The following TAOK3 variants were observed in gnomAD, a reference collection of about 807,000 sequenced individuals.
TAOK3 encodes the protein TAO kinase 3.
A neutral mutation model predicts 120.4 loss-of-function variants in TAOK3; 40 were observed. The observed-to-expected ratio is 0.33, with a 90% confidence interval of 0.26 to 0.43. The LOEUF is 0.43. TAOK3 is among the 20% of genes least tolerant of loss of function. TAOK3 has a pLI of 1.00. For missense variants in TAOK3, 821 were observed against 1,112.1 expected (o/e 0.74, Z 3.72); for synonymous variants, 355 against 387.5 (o/e 0.92, Z 0.99).
At chr12:118,273,651 TG>T (rs1407079546) in intron 1 of TAOK3, among the ~76,000 whole-genome samples, 3 of 151,814 alleles carry the variant, frequency 2.0e-5, no homozygotes, top group Non-Finnish European at 2.9e-5. Flanking sequence ...CCGTCTCTAC[TG>T]AAAATAGAAA....
chr12:118,317,532 C>T (rs371743665), intron 1 of TAOK3, among the ~76,000 whole-genome samples: 52 of 151,924 alleles, frequency 3.4e-4, no homozygotes, highest in African/African-American at 1.1e-3. Flanking sequence ...CTCCTGACCT[C>T]GTGATCCACC....
chr12:118,170,667 G>A (rs2035945032), intron 17 of TAOK3, among the ~76,000 whole-genome samples: 1 of 152,200 alleles, frequency 6.6e-6, no homozygotes. Flanking sequence ...GGGGGCTGAA[G>A]TGGGAGGATC....
rs566271226 is a variant in TAOK3 at position 118,193,578 on chromosome 12, G to A, written c.1195-3637C>T. On this transcript the variant is annotated intron_variant, in intron 13 of 20. Transcript: ENST00000392533. ...CATTACACTTCTGAAATGAAGGTTC[G>A]TGGTTAGGCACTTGCCTAGAGTTTC... Among the ~76,000 whole-genome samples, 34 of 152,080 alleles carry A rather than the reference G, an allele frequency of 2.2e-4. No homozygotes were observed. The South Asian group carries it at 5.6e-3, about 25-fold the overall frequency.
chr12:118,243,326 T>C (rs983985251), intron 5 of TAOK3, 89 bp downstream of exon 5: 12 of 705,978 alleles, frequency 1.7e-5, no homozygotes, highest in Middle Eastern at 3.8e-4. Context: ...GAAATGAAAT[T>C]AGTAATTTTA....
chr12:118,160,355 T>A lies in TAOK3; in HGVS notation c.2143A>T (p.Met715Leu). Residue 715 changes from methionine to leucine, a missense_variant, in exon 19 of 21, where the codon ATG becomes TTG. Met to Leu is a conservative substitution (Grantham distance 15). Transcript: ENST00000392533. This position sits in a 1 kb window ranked among gnomAD's most constrained non-coding sequence, Gnocchi z 4.2. Reference protein sequence around the residue: ...LRQQPKNLKAMEMQIKKQFQD... With the variant: ...LRQQPKNLKALEMQIKKQFQD... ...AACTGTTTTTTAATTTGCATTTCCA[T>A]GGCCTGGGTAGAAAAAGTGACAAAG... 1 of 1,613,142 alleles carries A rather than the reference T, an allele frequency of 6.2e-7. No homozygotes were observed. Among genetic ancestry groups the A allele is most frequent in the Admixed American group, 1.7e-5 (1 of 59,946 alleles).
chr12:118,158,175 TC>T (rs915532495), intron 19 of TAOK3, among the ~76,000 whole-genome samples: 1 of 152,180 alleles, frequency 6.6e-6, no homozygotes, highest in African/African-American at 2.4e-5. Flanking sequence ...CGGGTTCCCT[TC>T]CTGTGTCTCT....
chr12:118,198,386 CTTCTTTTTTTTTT>C (rs368161357), intron 13 of TAOK3: 17,683 of 121,492 alleles, frequency 0.15, 1,295 homozygotes, highest in Middle Eastern at 0.18. Context: ...CTTTCTTCTT[CTTCTTTTTTTTTT>C]TTTTTTTTTT....
At chr12:118,205,869 C>T (rs1239417012) in intron 11 of TAOK3, among the ~76,000 whole-genome samples, 1 of 152,128 alleles carries the variant, frequency 6.6e-6, no homozygotes, top group East Asian at 1.9e-4. Context: ...CCTCAGCCTC[C>T]CAAAGTGCTG....
At chr12:118,299,762 G>T (rs2042810414) in intron 1 of TAOK3, among the ~76,000 whole-genome samples, 1 of 152,048 alleles carries the variant, frequency 6.6e-6, no homozygotes, top group Non-Finnish European at 1.5e-5. Flanking sequence ...CACCTGCCTT[G>T]GTCTCCCATA....
chr12:118,181,277 C>T (rs968708632), intron 15 of TAOK3, 94 bp downstream of exon 15: 2 of 1,083,502 alleles, frequency 1.8e-6, no homozygotes. Context: ...CAATTTTCCT[C>T]CATCCCCCAC....
At chr12:118,322,683 A>AT (rs142312385) in intron 1 of TAOK3, among the ~76,000 whole-genome samples, 2 of 106,524 alleles carry the variant, frequency 1.9e-5, no homozygotes, top group African/African-American at 6.9e-5. Context: ...CATTCTTGTG[A>AT]TTTTTTTCCC....
At position 118,150,915 on chromosome 12, in the gene TAOK3, G is replaced by A; in HGVS notation, c.*82C>T. 7.4e-7 allele frequency: 1 copy of A among 1,349,686 alleles called. No homozygotes were observed. The highest frequency in any genetic ancestry group is 1.0e-6 in the Non-Finnish European group (1 of 994,328). The allele number at this position is 1,349,686 out of a possible 1,614,324, so 83.6% of individuals were successfully genotyped here. On this transcript the variant is annotated 3_prime_UTR_variant, in exon 21 of 21. Coordinates refer to ENST00000392533, the MANE Select transcript of TAOK3 (RefSeq NM_016281.4). ...GAGTGAGAGCAACGCCCGTTAAAAT[G>A]GGGAATGTGGTTTTGCAGGGTCTGA...
At chr12:118,152,436 C>A in intron 19 of TAOK3, 27 bp from the exon 20 acceptor site, 2 of 1,587,664 alleles carry the variant, frequency 1.3e-6, no homozygotes, top group South Asian at 2.2e-5. Context: ...CACACACGGT[C>A]ATGCACCCTT....
chr12:118,367,977 C>A (rs2141326665), intron 1 of TAOK3, among the ~76,000 whole-genome samples: 1 of 152,268 alleles, frequency 6.6e-6, no homozygotes, highest in East Asian at 1.9e-4. Flanking sequence ...AACATTACAC[C>A]AAATTAGATA....
chr12:118,280,749 T>G (rs760868587), intron 1 of TAOK3, among the ~76,000 whole-genome samples: 4 of 152,236 alleles, frequency 2.6e-5, no homozygotes, highest in Non-Finnish European at 4.4e-5. Context: ...CATTGGTAGT[T>G]TGATAGGAAT....
chr12:118,303,928 G>A (rs555813673), intron 1 of TAOK3, among the ~76,000 whole-genome samples: 15 of 152,308 alleles, frequency 9.8e-5, no homozygotes, highest in South Asian at 2.1e-4. Context: ...GATTACAGGC[G>A]TGAGCCACCA....
At chr12:118,156,737 ATTTTTG>A (rs536793692) in intron 19 of TAOK3, among the ~76,000 whole-genome samples, 6 of 150,346 alleles carry the variant, frequency 4.0e-5, no homozygotes, top group Non-Finnish European at 8.9e-5. Context: ...CTACTGCTTT[ATTTTTG>A]TTTTTTTTTT....
chr12:118,203,431 C>A (rs935336109), intron 11 of TAOK3, among the ~76,000 whole-genome samples: 2 of 151,982 alleles, frequency 1.3e-5, no homozygotes, highest in Non-Finnish European at 2.9e-5. Context: ...GTAAGCCTGG[C>A]GCGGTGGCTC....
At chr12:118,253,700 G>A (rs2040854022) in intron 3 of TAOK3, among the ~76,000 whole-genome samples, 1 of 149,948 alleles carries the variant, frequency 6.7e-6, no homozygotes. Flanking sequence ...TTGTGCCACT[G>A]CACTCCAGCC....
Sources: gnomAD v4.1 joint callset for allele counts (sites outside exome capture counted in the v4.1 genomes callset) on GRCh38, gnomAD v4.1.1 for gene constraint, Gnocchi (gnomAD v3.1) non-coding constraint, MANE v1.5 for transcripts, NCBI Gene and HGNC (gene_info 2026-07-23, HGNC 2026-07-21) for gene names.